The following AFAP1L2 variants were observed in gnomAD, a reference collection of about 807,000 sequenced individuals.
The protein encoded by AFAP1L2 is actin filament-associated protein 1-like 2.
AFAP1L2 carries 46 observed loss-of-function variants against 99.3 expected under a neutral mutation model. That is an observed-to-expected ratio of 0.46 (90% confidence interval 0.37 to 0.59). The LOEUF (loss-of-function observed/expected upper bound fraction) is 0.59. AFAP1L2 is among the 20% of genes least tolerant of loss of function. The pLI, the probability that AFAP1L2 is intolerant of heterozygous loss-of-function variation, is 0.00. For synonymous variants in AFAP1L2, 397 were observed against 419.1 expected, an observed-to-expected ratio of 0.95 and a Z score of 0.64; for missense variants, 959 against 1,034.9, an observed-to-expected ratio of 0.93 and a Z score of 1.01.
chr10:114,332,090 C>T (rs1442830429), intron 3 of AFAP1L2, among the ~76,000 whole-genome samples, 193 bp from the exon 4 acceptor site: 4 of 152,192 alleles, frequency 2.6e-5, no homozygotes, highest in African/African-American at 9.7e-5. Flanking sequence ...GTGCCCCAGA[C>T]ATGTGCCTGG....
Position 114,300,701 on chromosome 10 carries a change from G to A in AFAP1L2, c.1543-11C>T. 6.3e-7 allele frequency: 1 copy of A among 1,576,598 alleles called. No individual in the cohort carries two copies. ...CTCGGTAGGCTCCACCTGCAGGAGAGAGTGAGTCTGGGGCATTCAACATTA... is the reference window on the plus strand; with the variant it reads ...CTCGGTAGGCTCCACCTGCAGGAGAAAGTGAGTCTGGGGCATTCAACATTA... On this transcript the variant is annotated splice_polypyrimidine_tract_variant and intron_variant, in intron 13 of 18. Coordinates refer to ENST00000304129, the MANE Select transcript of AFAP1L2 (RefSeq NM_001001936.3).
rs528002957 is a variant in AFAP1L2 at position 114,349,335 on chromosome 10, A to T, written c.17-8604T>A. Among the ~76,000 whole-genome samples the T allele has an allele frequency of 1.1e-3, 160 of 145,622 alleles. 1 individual carries two copies. Among genetic ancestry groups the T allele is most frequent in the Non-Finnish European group, 1.9e-3 (127 of 67,104 alleles). ...GGAGTTTGCAGTGAGCCGAGATCGC[A>T]CCATTGCTCTCCACTCCAGCATGGG... On this transcript the variant is annotated intron_variant, in intron 1 of 18. Coordinates refer to ENST00000304129, the MANE Select transcript of AFAP1L2 (RefSeq NM_001001936.3).
In AFAP1L2 at chr10:114,307,906, T is replaced by C; in HGVS notation, c.971A>G (p.Lys324Arg). 6.2e-7 allele frequency: 1 copy of C among 1,614,106 alleles called. No individual in the cohort carries two copies. The highest frequency in any genetic ancestry group is 8.5e-7 in the Non-Finnish European group (1 of 1,179,952). ...TTTGAGGCCAGCAGAACATTTCTTC[T>C]TGACTGTCAAGATGAGACAGAAAGC... is the stretch of plus-strand genomic sequence containing the variant. ...HPEVPETKDVKKKCSAGLKLS... is the reference protein window; with the variant it reads ...HPEVPETKDVRKKCSAGLKLS... Residue 324 changes from lysine (K) to arginine (R), a missense_variant, in exon 10 of 19, where the codon AAG becomes AGG. Coordinates refer to ENST00000304129, the MANE Select transcript of AFAP1L2 (RefSeq NM_001001936.3).
At chr10:114,287,693 T>TA in the AFAP1L2 span, among the ~76,000 whole-genome samples, 4 of 152,062 alleles carry the variant, frequency 2.6e-5, no homozygotes, top group Non-Finnish European at 4.4e-5. Context: ...TTGGATTTTT[T>TA]AAAAAAAATA....
chr10:114,321,280 C>T (rs911885546), intron 5 of AFAP1L2, among the ~76,000 whole-genome samples: 1 of 152,068 alleles, frequency 6.6e-6, no homozygotes, highest in African/African-American at 2.4e-5. Context: ...CCCCGCTAGT[C>T]CCCAAAGTCC....
At position 114,400,977 on chromosome 10, in the gene AFAP1L2, C is replaced by T. The variant is rs1002678451; in HGVS notation, c.16+3463G>A. Among the ~76,000 whole-genome samples the T allele has an allele frequency of 2.0e-5, 3 of 152,274 alleles. No homozygotes were observed. The South Asian group carries it at 6.2e-4, about 32-fold the overall frequency. Reference sequence around the variant, plus strand: ...AGATGATTCCTGAAGGTAGCATGCCCATCTCTTTTAATTTGCTTTTCTTTT... The same window carrying T: ...AGATGATTCCTGAAGGTAGCATGCCTATCTCTTTTAATTTGCTTTTCTTTT... On this transcript the variant is annotated intron_variant, in intron 1 of 18. Coordinates refer to ENST00000304129, the MANE Select transcript of AFAP1L2 (RefSeq NM_001001936.3).
intron 2 of AFAP1L2, among the ~76,000 whole-genome samples, chr10:114,335,609 T>A (rs2047845092): frequency 1.2e-5 from 1 of 84,094 alleles, no homozygotes; most frequent in Non-Finnish European, 3.2e-5. Flanking sequence ...CAAGACTCCG[T>A]CTCAAAAAAA....
intron 10 of AFAP1L2, 49 bp from the exon 11 acceptor site, chr10:114,304,979 AC>A (rs2041882578): frequency 8.9e-7 from 1 of 1,118,164 alleles, no homozygotes; most frequent in African/African-American, 1.8e-5. Context: ...GCAGGAGGGG[AC>A]GCAGATGCAG....
Position 114,398,135 on chromosome 10 carries a change from T to C in AFAP1L2, c.16+6305A>G, listed in dbSNP as rs2057902689. Among the ~76,000 whole-genome samples the C allele has an allele frequency of 2.6e-5, 4 of 152,356 alleles. No individual in the cohort carries two copies. In the South Asian group the frequency reaches 8.3e-4, roughly 32 times the overall value. On this transcript the variant is annotated intron_variant, in intron 1 of 18. Coordinates refer to ENST00000304129, the MANE Select transcript of AFAP1L2 (RefSeq NM_001001936.3). ...CGCTCAATGCAGTTTGTGGTTAGTT[T>C]GTTTTTTGAAACTAACTGGGGAGAA...
chr10:114,285,559 C>T, the AFAP1L2 span, among the ~76,000 whole-genome samples: 1,102 of 152,340 alleles, frequency 7.2e-3, 14 homozygotes, highest in African/African-American at 0.025. Context: ...GAAGTCAATT[C>T]TAGCGTGGCT....
intron 18 of AFAP1L2, 38 bp from the exon 19 acceptor site, chr10:114,296,106 C>G (rs757274709): frequency 6.2e-7 from 1 of 1,613,296 alleles, no homozygotes; most frequent in South Asian, 1.1e-5. Context: ...CACCCCCCAC[C>G]AAAAAGATAG....
In AFAP1L2 at chr10:114,364,252, T is replaced by TG. The variant is rs142573833; in HGVS notation, c.17-23522dup. On this transcript the variant is annotated intron_variant, in intron 1 of 18. Coordinates refer to ENST00000304129, the MANE Select transcript of AFAP1L2 (RefSeq NM_001001936.3). ...TCACCCCTCATGTGGGCCAAGATCC[T>TG]GGGGGCCTGTATCCATGGCCCAGGA... 6.6e-3 allele frequency among the ~76,000 whole-genome samples: 1,008 copies of TG among 152,300 alleles called. 15 individuals carry two copies. The highest frequency in any genetic ancestry group is 0.023 in the African/African-American group (937 of 41,564).
chr10:114,317,627 G>A (rs1373966677), intron 5 of AFAP1L2, among the ~76,000 whole-genome samples: 1 of 152,222 alleles, frequency 6.6e-6, no homozygotes, highest in African/African-American at 2.4e-5. Context: ...GGGAGGCCAA[G>A]GCAGGTGGAT....
chr10:114,300,300 C>G lies in AFAP1L2; in HGVS notation c.1851G>C (p.Thr617=). The G allele has an allele frequency of 3.1e-6, 5 of 1,614,142 alleles. No individual in the cohort carries two copies. The highest frequency in any genetic ancestry group is 4.2e-6 in the Non-Finnish European group (5 of 1,180,036). Residue 617 remains threonine (T), a synonymous_variant, in exon 15 of 19, where the codon ACG becomes ACC. Coordinates refer to ENST00000304129, the MANE Select transcript of AFAP1L2 (RefSeq NM_001001936.3). ...SLRITTVKIQ[T]EQQRISFPPS... ...GTGGGAAGGAGATTCTCTGCTGTTC[C>G]GTCTGGATTTTGACGGTGGTGATTC...
intron 1 of AFAP1L2, among the ~76,000 whole-genome samples, chr10:114,345,737 C>G (rs1432915703): frequency 1.3e-5 from 2 of 152,248 alleles, no homozygotes; most frequent in African/African-American, 4.8e-5. Flanking sequence ...GAAAGTGCAT[C>G]TGAGTCATGG....
At chr10:114,351,117 A>G (rs1275293750) in intron 1 of AFAP1L2, among the ~76,000 whole-genome samples, 1 of 152,186 alleles carries the variant, frequency 6.6e-6, no homozygotes, top group African/African-American at 2.4e-5. Flanking sequence ...GGGTCACTCG[A>G]GTTCACATTG....
At chr10:114,305,948 AT>A in intron 10 of AFAP1L2, among the ~76,000 whole-genome samples, 2 of 68,866 alleles carry the variant, frequency 2.9e-5, no homozygotes, top group South Asian at 6.3e-4. Flanking sequence ...GCAGGAGGAG[AT>A]GCAGATGCAG....
intron 6 of AFAP1L2, among the ~76,000 whole-genome samples, chr10:114,314,369 T>C (rs1312446146): frequency 6.6e-6 from 1 of 152,212 alleles, no homozygotes; most frequent in African/African-American, 2.4e-5. Context: ...GTCCTCTGTG[T>C]TCACCGTTCA....
intron 5 of AFAP1L2, among the ~76,000 whole-genome samples, chr10:114,317,151 T>C (rs2044270265): frequency 6.6e-6 from 1 of 152,216 alleles, no homozygotes; most frequent in African/African-American, 2.4e-5. Flanking sequence ...TCGATTTTAC[T>C]AAGAAGCACG....
Sources: allele counts gnomAD v4.1 joint callset (sites outside exome capture counted in the v4.1 genomes callset), GRCh38; gene constraint gnomAD v4.1.1; transcripts MANE v1.5; gene names NCBI Gene and HGNC (gene_info 2026-07-23, HGNC 2026-07-21).